The following ABR variants were observed in gnomAD, a reference collection of about 807,000 sequenced individuals.
The protein encoded by ABR is active breakpoint cluster region-related protein.
In ABR, 35 loss-of-function variants were observed where a neutral mutation model predicts 107.2. That is an observed-to-expected ratio of 0.33 (90% confidence interval 0.25 to 0.43). ABR has a LOEUF of 0.43. Among genes scored for constraint, ABR ranks in the 20% least tolerant of loss-of-function variants. The probability of loss-of-function intolerance (pLI) is 1.00; values close to 1 mark genes in which losing one functional copy is unlikely to be tolerated. For missense variants in ABR, 815 were observed against 1,115.2 expected (o/e 0.73, Z 3.83); for synonymous variants, 498 against 462.0 (o/e 1.08, Z -1.00).
chr17:1,014,762 C>A (rs1201623690), intron 16 of ABR, among the ~76,000 whole-genome samples: 4 of 151,834 alleles, frequency 2.6e-5, no homozygotes, highest in Non-Finnish European at 4.4e-5. Flanking sequence ...AGGAGAATGG[C>A]ATGAACCCAG....
At chr17:1,049,082 C>A (rs1224368517) in intron 16 of ABR, among the ~76,000 whole-genome samples, 1 of 152,160 alleles carries the variant, frequency 6.6e-6, no homozygotes, top group Admixed American at 6.5e-5. Flanking sequence ...TCAAAATTGG[C>A]AGAATGTTTC....
chr17:1,067,970 G>A (rs190106933), intron 9 of ABR, among the ~76,000 whole-genome samples: 194 of 152,032 alleles, frequency 1.3e-3, no homozygotes, highest in African/African-American at 4.4e-3. Context: ...TTTTGCTCTT[G>A]TTCCCAGGCT....
chr17:1,049,988 CT>C, intron 16 of ABR, 61 bp downstream of exon 16: 1 of 1,560,194 alleles, frequency 6.4e-7, no homozygotes. Context: ...ACCAGAATTC[CT>C]TTTCAACTGG....
chr17:1,173,346 G>A (rs908332562), intron 1 of ABR, among the ~76,000 whole-genome samples: 6 of 126,670 alleles, frequency 4.7e-5, no homozygotes, highest in Non-Finnish European at 9.9e-5. Context: ...CATCACCTCA[G>A]TCCACTCAAC....
chr17:1,217,416 T>C (rs1216014869), intron 1 of ABR, among the ~76,000 whole-genome samples: 1 of 152,192 alleles, frequency 6.6e-6, no homozygotes, highest in African/African-American at 2.4e-5. Context: ...ATGGCCAAAC[T>C]AGTAACAGTG....
Position 1,010,922 on chromosome 17 carries a change from C to G in ABR, c.2102-59G>C. On this transcript the variant is annotated intron_variant, in intron 19 of 22. Coordinates refer to ENST00000302538, the MANE Select transcript of ABR (RefSeq NM_021962.5). The surrounding 1 kb of genome is among the most constrained non-coding windows in gnomAD (Gnocchi z 4.1). ...GCTGGGCCAGCAGCCCCGTTCCACC[C>G]CCGACCCATCCTGACACAGCCCCCA... 6.3e-7 allele frequency: 1 copy of G among 1,599,902 alleles called. No individual in the cohort carries two copies. The highest frequency in any genetic ancestry group is 8.5e-7 in the Non-Finnish European group (1 of 1,175,094).
chr17:1,060,373 G>C (rs965013049), intron 10 of ABR, among the ~76,000 whole-genome samples: 2 of 152,084 alleles, frequency 1.3e-5, no homozygotes, highest in African/African-American at 4.8e-5. Flanking sequence ...TCTCACCAGT[G>C]CACTCCAGCC....
At chr17:1,189,725 C>T (rs975660202), upstream of ABR, among the ~76,000 whole-genome samples, 7 of 152,140 alleles carry the variant, frequency 4.6e-5, no homozygotes, top group Admixed American at 2.0e-4. Flanking sequence ...GGAGCTTTCC[C>T]GACCCACCAG....
At chr17:1,040,254 G>A (rs1270767483) in intron 16 of ABR, among the ~76,000 whole-genome samples, 3 of 152,200 alleles carry the variant, frequency 2.0e-5, no homozygotes, top group African/African-American at 7.2e-5. Context: ...CCCCTTGGGG[G>A]TCAGAGGGAG....
rs535052489 is a variant in ABR, at chr17:1,004,999, G to C, written c.*1081C>G. On this transcript the variant is annotated 3_prime_UTR_variant, in exon 23 of 23. Transcript: ENST00000302538. Reference sequence around the variant, plus strand: ...CTGGACACCTGCTTCGGCCACATCAGTCACCCTCCAGGAAGCCTGGCCCCT... The same window carrying C: ...CTGGACACCTGCTTCGGCCACATCACTCACCCTCCAGGAAGCCTGGCCCCT... 3 of 399,034 alleles carry C rather than the reference G, an allele frequency of 7.5e-6. No individual in the cohort carries two copies. Among genetic ancestry groups the C allele is most frequent in the African/African-American group, 4.1e-5 (2 of 48,748 alleles). The allele number at this position is 399,034 out of a possible 1,614,324, so 24.7% of individuals were successfully genotyped here.
intron 12 of ABR, among the ~76,000 whole-genome samples, chr17:1,057,566 C>A (rs866028085): frequency 2.7e-5 from 4 of 150,716 alleles, no homozygotes; most frequent in Non-Finnish European, 2.9e-5. Flanking sequence ...TTAGTAGAGA[C>A]GGGGTTTCAC....
chr17:1,068,779 G>A (rs1043400802), intron 9 of ABR, among the ~76,000 whole-genome samples: 42 of 152,204 alleles, frequency 2.8e-4, no homozygotes, highest in Non-Finnish European at 5.9e-4. Context: ...TGGGGTTCCA[G>A]TCCCACCTGT....
intron 1 of ABR, among the ~76,000 whole-genome samples, chr17:1,156,978 A>G (rs1173733673): frequency 6.6e-6 from 1 of 152,248 alleles, no homozygotes; most frequent in Non-Finnish European, 1.5e-5. Context: ...GAATTAGATC[A>G]ATGTCAGGCT....
chr17:1,155,467 G>C (rs2041002616), intron 1 of ABR, among the ~76,000 whole-genome samples: 2 of 152,148 alleles, frequency 1.3e-5, no homozygotes, highest in South Asian at 4.1e-4. Flanking sequence ...AAACCTGGGG[G>C]TAGATCTTCA....
chr17:1,130,654 C>T (rs147131658), intron 1 of ABR, among the ~76,000 whole-genome samples: 1 of 152,148 alleles, frequency 6.6e-6, no homozygotes, highest in Non-Finnish European at 1.5e-5. Flanking sequence ...GGGAATGTGA[C>T]CTTATTTGGA....
chr17:1,182,791 T>C (rs943674448), upstream of ABR, among the ~76,000 whole-genome samples: 3 of 152,202 alleles, frequency 2.0e-5, no homozygotes, highest in African/African-American at 7.2e-5. Context: ...TGGGAAACCC[T>C]GTCAACCCTC....
chr17:1,078,967 TCCAGCATC>T lies in ABR; in HGVS notation c.700+355_700+362del. On this transcript the variant is annotated intron_variant, in intron 6 of 22. Coordinates refer to ENST00000302538, the MANE Select transcript of ABR (RefSeq NM_021962.5). This position sits in a 1 kb window ranked among gnomAD's most constrained non-coding sequence, Gnocchi z 7.5. ...ACCTTGCTGATGCTGCCGCACGGAC[TCCAGCATC>T]GGGCAGCCGCTCCGGAGTGCTCTTC... 1 of 1,482,934 alleles carries T rather than the reference TCCAGCATC, an allele frequency of 6.7e-7. No individual in the cohort carries two copies. Among genetic ancestry groups the T allele is most frequent in the South Asian group, 1.2e-5 (1 of 80,368 alleles). 91.9% of individuals were successfully genotyped at this position (1,482,934 alleles called of 1,614,324 possible).
At chr17:1,146,260 G>GACACACACACACACACAC (rs60058475) in intron 1 of ABR, among the ~76,000 whole-genome samples, 11 of 140,216 alleles carry the variant, frequency 7.8e-5, no homozygotes, top group South Asian at 2.4e-4. Context: ...GGCACATGGA[G>GACACACACACACACACAC]ACACACACAC....
chr17:1,193,381 C>A (rs1043147012), intron 1 of ABR, among the ~76,000 whole-genome samples: 1 of 152,042 alleles, frequency 6.6e-6, no homozygotes, highest in African/African-American at 2.4e-5. Flanking sequence ...ACGTTCTAGG[C>A]ACCCTGTTAA....
Sources: gnomAD v4.1 joint callset for allele counts (sites outside exome capture counted in the v4.1 genomes callset) on GRCh38, gnomAD v4.1.1 for gene constraint, Gnocchi (gnomAD v3.1) non-coding constraint, MANE v1.5 for transcripts, NCBI Gene and HGNC (gene_info 2026-07-23, HGNC 2026-07-21) for gene names.